Variants in UXS1 observed in about 807,000 individuals in gnomAD.
UXS1 encodes UDP-glucuronate decarboxylase 1.
In UXS1, 33 loss-of-function variants were observed where a neutral mutation model predicts 62.6. That is an observed-to-expected ratio of 0.53 (90% CI 0.40 to 0.70). UXS1 has a LOEUF of 0.70. UXS1 is among the 30% of genes least tolerant of loss of function. The pLI is 0.00. For missense variants in UXS1, 434 were observed against 556.3 expected (o/e 0.78, Z 2.21); for synonymous variants, 213 against 206.8 (o/e 1.03, Z -0.26).
chr2:106,144,037 G>A (rs957126351), intron 6 of UXS1, among the ~76,000 whole-genome samples: 1 of 152,198 alleles, frequency 6.6e-6, no homozygotes, highest in Non-Finnish European at 1.5e-5. Flanking sequence ...TCCTGTGACA[G>A]CACCACCTAG....
intron 1 of UXS1, chr2:106,183,710 T>C (rs1025809943): frequency 5.3e-5 from 8 of 152,232 alleles, no homozygotes; most frequent in African/African-American, 1.9e-4. Flanking sequence ...CTTTTTTCCC[T>C]TGAAGCTCAT....
At chr2:106,167,688 T>C (rs1683293879) in intron 1 of UXS1, among the ~76,000 whole-genome samples, 1 of 152,026 alleles carries the variant, frequency 6.6e-6, no homozygotes, top group Non-Finnish European at 1.5e-5. Flanking sequence ...AAAATAAAGC[T>C]ATTAACTAGA....
chr2:106,187,491 T>C (rs1176171813), intron 1 of UXS1, among the ~76,000 whole-genome samples: 1 of 152,218 alleles, frequency 6.6e-6, no homozygotes, highest in Non-Finnish European at 1.5e-5. Context: ...GAGCTGATTA[T>C]ATTAAGGGCA....
intron 1 of UXS1, among the ~76,000 whole-genome samples, chr2:106,181,576 G>A (rs895059260): frequency 7.2e-5 from 11 of 152,140 alleles, no homozygotes; most frequent in Middle Eastern, 3.4e-3. Flanking sequence ...AAAACTAGCC[G>A]GGCATGGTGG....
chr2:106,169,543 C>A (rs1286979736), intron 1 of UXS1, among the ~76,000 whole-genome samples: 2 of 152,112 alleles, frequency 1.3e-5, no homozygotes, highest in African/African-American at 4.8e-5. Context: ...AAAAATTAGC[C>A]AGGGGTGGTG....
At chr2:106,103,829 G>A (rs1325909550) in intron 11 of UXS1, among the ~76,000 whole-genome samples, 6 of 152,128 alleles carry the variant, frequency 3.9e-5, no homozygotes, top group Non-Finnish European at 8.8e-5. Context: ...TGGTTATTTT[G>A]ATTTCTTTTT....
intron 5 of UXS1, among the ~76,000 whole-genome samples, chr2:106,150,795 A>C (rs1681947387): frequency 6.6e-6 from 1 of 152,228 alleles, no homozygotes; most frequent in African/African-American, 2.4e-5. Context: ...ACACCAGCCT[A>C]AGGAAGTTAC....
intron 10 of UXS1, among the ~76,000 whole-genome samples, chr2:106,107,587 C>T (rs1466445242): frequency 6.6e-6 from 1 of 152,224 alleles, no homozygotes; most frequent in African/African-American, 2.4e-5. Flanking sequence ...CTCAACCAAA[C>T]AAGGGACTTG....
rs375972008 is a variant in UXS1, at chr2:106,094,013, A to G, written c.*13T>C. 98 of 1,603,590 alleles carry G rather than the reference A, an allele frequency of 6.1e-5. No individual in the cohort carries two copies. The highest frequency in any genetic ancestry group is 3.6e-4 in the South Asian group (32 of 89,034). On this transcript the variant is annotated 3_prime_UTR_variant, in exon 15 of 15. Transcript: ENST00000283148. The stretch of plus-strand genomic sequence containing the variant: ...GTGTACAATGGTAGTCTTGTGTCCT[A>G]AAAGTGAGGAGTTCAGCTGTGGCGA...
At chr2:106,143,250 A>G (rs1416484623) in intron 6 of UXS1, among the ~76,000 whole-genome samples, 3 of 151,504 alleles carry the variant, frequency 2.0e-5, no homozygotes, top group Non-Finnish European at 4.4e-5. Flanking sequence ...CTACTAAAAA[A>G]TACAAAAAAT....
At chr2:106,173,609 T>C (rs1683697617) in intron 1 of UXS1, among the ~76,000 whole-genome samples, 1 of 152,136 alleles carries the variant, frequency 6.6e-6, no homozygotes, top group African/African-American at 2.4e-5. Context: ...ATAGCAAATA[T>C]TGCAGTTTTG....
chr2:106,144,644 C>G (rs1393710128), intron 6 of UXS1, among the ~76,000 whole-genome samples: 1 of 152,216 alleles, frequency 6.6e-6, no homozygotes, highest in Non-Finnish European at 1.5e-5. Context: ...CAATGGTTTT[C>G]TATCAAATTA....
At chr2:106,111,893 CA>C (rs1678643913) in intron 10 of UXS1, among the ~76,000 whole-genome samples, 1 of 151,934 alleles carries the variant, frequency 6.6e-6, no homozygotes, top group Non-Finnish European at 1.5e-5. Flanking sequence ...ATCAGAAGAG[CA>C]AAGCAGCCTG....
intron 13 of UXS1, chr2:106,097,504 TGG>T: frequency 3.0e-6 from 1 of 329,352 alleles, no homozygotes; most frequent in Non-Finnish European, 6.1e-6. Context: ...TGGTTCAGGA[TGG>T]TCTGTCACAA....
At chr2:106,192,138 A>G (rs1368947166) in intron 1 of UXS1, among the ~76,000 whole-genome samples, 1 of 152,244 alleles carries the variant, frequency 6.6e-6, no homozygotes, top group Non-Finnish European at 1.5e-5. Flanking sequence ...TATGTGGTAT[A>G]GGGTCTGTAC....
At chr2:106,148,047 AAGAAACTGACACCCAG>A (rs1465268731) in intron 5 of UXS1, among the ~76,000 whole-genome samples, 7 of 152,348 alleles carry the variant, frequency 4.6e-5, no homozygotes, top group East Asian at 3.9e-4. Context: ...CCTTCAAGAT[AAGAAACTGACACCCAG>A]AGAAGTTACG....
chr2:106,114,555 T>A (rs554399191), intron 9 of UXS1, among the ~76,000 whole-genome samples: 39 of 152,352 alleles, frequency 2.6e-4, no homozygotes, highest in Non-Finnish European at 2.6e-4. Context: ...ATCAACGCAA[T>A]GTGCCTGGCA....
At chr2:106,116,907 T>C (rs548825693) in intron 9 of UXS1, among the ~76,000 whole-genome samples, 2 of 152,304 alleles carry the variant, frequency 1.3e-5, no homozygotes, top group African/African-American at 2.4e-5. Flanking sequence ...TCACGACACA[T>C]GGGTTCTCCC....
intron 10 of UXS1, among the ~76,000 whole-genome samples, chr2:106,110,646 C>A (rs1678508910): frequency 6.6e-6 from 1 of 152,156 alleles, no homozygotes; most frequent in African/African-American, 2.4e-5. Context: ...CTTTCACTTA[C>A]CATAAAGGAA....
Sources: gnomAD v4.1 joint callset for allele counts (sites outside exome capture counted in the v4.1 genomes callset) on GRCh38, gnomAD v4.1.1 for gene constraint, MANE v1.5 for transcripts, NCBI Gene and HGNC (gene_info 2026-07-23, HGNC 2026-07-21) for gene names.